Variants in RANBP3L observed in about 807,000 individuals in gnomAD.
RANBP3L encodes the protein RAN binding protein 3 like.
RANBP3L carries 56 observed loss-of-function variants against 67.2 expected under a neutral mutation model. The ratio of observed to expected loss-of-function variants is 0.83; its 90% confidence interval spans 0.67 to 1.04. The LOEUF (loss-of-function observed/expected upper bound fraction) is 1.04, where lower values mean the gene tolerates loss of function less well. Ranked by LOEUF, RANBP3L falls within the 50% of genes least tolerant of loss-of-function variation. RANBP3L has a pLI of 0.00. For synonymous variants in RANBP3L, 164 were observed against 181.4 expected, an observed-to-expected ratio of 0.90 and a Z score of 0.77; for missense variants, 496 against 535.5, an observed-to-expected ratio of 0.93 and a Z score of 0.73.
intron 6 of RANBP3L, among the ~76,000 whole-genome samples, chr5:36,264,423 T>C (rs1249235216): frequency 6.6e-6 from 1 of 152,204 alleles, no homozygotes; most frequent in Non-Finnish European, 1.5e-5. Context: ...TAGAAAGGCC[T>C]ACAAAGAGTG....
chr5:36,265,977 C>CAAAAAAAAAA (rs10717173), intron 4 of RANBP3L, among the ~76,000 whole-genome samples: 1 of 76,082 alleles, frequency 1.3e-5, no homozygotes, highest in Non-Finnish European at 2.5e-5. Context: ...GACTCCATTT[C>CAAAAAAAAAA]AAAAAAAAAA....
intron 1 of RANBP3L, among the ~76,000 whole-genome samples, chr5:36,289,592 A>G (rs920291085): frequency 3.9e-5 from 6 of 152,228 alleles, no homozygotes; most frequent in African/African-American, 1.4e-4. Context: ...GTTTAAGTGT[A>G]CAAGTCTTGC....
intron 1 of RANBP3L, among the ~76,000 whole-genome samples, chr5:36,282,669 A>G (rs1251375946): frequency 6.6e-6 from 1 of 152,196 alleles, no homozygotes; most frequent in Non-Finnish European, 1.5e-5. Flanking sequence ...CACAGGAATA[A>G]GTGGATGTTA....
At chr5:36,264,759 A>T (rs1749634832) in intron 6 of RANBP3L, among the ~76,000 whole-genome samples, 200 bp downstream of exon 6, 1 of 152,174 alleles carries the variant, frequency 6.6e-6, no homozygotes, top group African/African-American at 2.4e-5. Context: ...ACAACTTTAG[A>T]GAGACCACAG....
chr5:36,252,071 CT>C (rs1748634130), intron 12 of RANBP3L, among the ~76,000 whole-genome samples: 1 of 151,986 alleles, frequency 6.6e-6, no homozygotes, highest in Admixed American at 6.6e-5. Flanking sequence ...TTAAAATATT[CT>C]TTTTTTCAAT....
intron 6 of RANBP3L, among the ~76,000 whole-genome samples, chr5:36,264,206 G>C (rs1382410609): frequency 1.3e-5 from 2 of 152,150 alleles, no homozygotes; most frequent in East Asian, 3.9e-4. Context: ...TGTTCACTAA[G>C]GGAAAACAAA....
At chr5:36,254,584 G>T (rs191559093) in intron 11 of RANBP3L, among the ~76,000 whole-genome samples, 170 of 151,984 alleles carry the variant, frequency 1.1e-3, no homozygotes, top group Admixed American at 2.4e-3. Context: ...ACTATTACTT[G>T]GTTGGGTGAT....
rs1359457832 is a variant in RANBP3L at position 36,296,205 on chromosome 5, A to C, written c.91+5121T>G. On this transcript the variant is annotated intron_variant, in intron 1 of 13. Transcript: ENST00000296604. ...TCAATTCTGTGAGTTGTTCTAGTGAATTATCAAATCTGAGGGGTTGTGGGA... is the reference window on the plus strand; with the variant it reads ...TCAATTCTGTGAGTTGTTCTAGTGACTTATCAAATCTGAGGGGTTGTGGGA... 2.6e-5 allele frequency among the ~76,000 whole-genome samples: 4 copies of C among 152,166 alleles called. No homozygotes were observed. The South Asian group carries it at 8.3e-4, about 31-fold the overall frequency.
At chr5:36,256,788 C>A (rs750117512) in intron 10 of RANBP3L, 153 bp downstream of exon 10, 5 of 641,756 alleles carry the variant, frequency 7.8e-6, no homozygotes, top group Non-Finnish European at 1.3e-5. Flanking sequence ...ATTATTGGTT[C>A]AATTTTTGAG....
At chr5:36,279,376 A>G (rs1750819239) in intron 1 of RANBP3L, among the ~76,000 whole-genome samples, 1 of 152,158 alleles carries the variant, frequency 6.6e-6, no homozygotes, top group Non-Finnish European at 1.5e-5. Flanking sequence ...TAAACAACAA[A>G]CTATCTACTA....
chr5:36,251,236 A>T, intron 13 of RANBP3L, 77 bp downstream of exon 13: 1 of 1,243,032 alleles, frequency 8.0e-7, no homozygotes, highest in Non-Finnish European at 1.1e-6. Context: ...CTTGTTAAAA[A>T]ATCTACCTAA....
intron 1 of RANBP3L, among the ~76,000 whole-genome samples, chr5:36,277,420 C>CTATATA (rs1264276542): frequency 3.7e-4 from 30 of 80,546 alleles, no homozygotes; most frequent in South Asian, 1.3e-3. Context: ...CTCTCTCTCT[C>CTATATA]TCTATATATA....
At chr5:36,266,298 T>C (rs1348159171) in intron 4 of RANBP3L, among the ~76,000 whole-genome samples, 4 of 152,182 alleles carry the variant, frequency 2.6e-5, no homozygotes, top group African/African-American at 9.6e-5. Flanking sequence ...TCTACAAACA[T>C]GTTGGTGGGG....
At position 36,247,796 on chromosome 5, in the gene RANBP3L, G is replaced by A. The variant is rs1748368419; in HGVS notation, c.*1858C>T. On this transcript the variant is annotated 3_prime_UTR_variant, in exon 14 of 14. Transcript: ENST00000296604. ...CTACTCAGGAGGCTGAGTGAGGCAC[G>A]AGAATCCCTTGAACCCGGGAGGGGG... Among the ~76,000 whole-genome samples the A allele has an allele frequency of 6.6e-6, 1 of 152,210 alleles. No homozygotes were observed. Among genetic ancestry groups the A allele is most frequent in the Non-Finnish European group, 1.5e-5 (1 of 68,038 alleles).
At chr5:36,259,274 AT>A (rs1749202795) in intron 8 of RANBP3L, among the ~76,000 whole-genome samples, 1 of 152,190 alleles carries the variant, frequency 6.6e-6, no homozygotes, top group Non-Finnish European at 1.5e-5. Context: ...TGACTAACAT[AT>A]GAAAGCCCTA....
intron 1 of RANBP3L, among the ~76,000 whole-genome samples, chr5:36,286,987 C>G (rs1173530279): frequency 2.6e-5 from 4 of 152,148 alleles, no homozygotes; most frequent in African/African-American, 9.7e-5. Flanking sequence ...ATCATTTACA[C>G]CATTGAGCCC....
intron 1 of RANBP3L, among the ~76,000 whole-genome samples, chr5:36,293,356 A>C (rs1751945986): frequency 1.1e-5 from 1 of 88,978 alleles, no homozygotes; most frequent in African/African-American, 4.3e-5. Context: ...AACAGGGACA[A>C]TTTGACTTCC....
At chr5:36,298,505 T>G (rs190492863) in intron 1 of RANBP3L, among the ~76,000 whole-genome samples, 1 of 152,186 alleles carries the variant, frequency 6.6e-6, no homozygotes, top group East Asian at 1.9e-4. Flanking sequence ...ATGGCTTTGC[T>G]TCCTGGGACC....
At chr5:36,298,183 C>G (rs112312982) in intron 1 of RANBP3L, among the ~76,000 whole-genome samples, 3,447 of 151,480 alleles carry the variant, frequency 0.023, 69 homozygotes, top group African/African-American at 0.046. Context: ...GCCTGTAGTC[C>G]GAGCTACTCA....
Sources: gnomAD v4.1 joint callset for allele counts (sites outside exome capture counted in the v4.1 genomes callset) on GRCh38, gnomAD v4.1.1 for gene constraint, MANE v1.5 for transcripts, NCBI Gene and HGNC (gene_info 2026-07-23, HGNC 2026-07-21) for gene names.